The following PHC2 variants were observed in gnomAD, a reference collection of about 807,000 sequenced individuals.
The protein encoded by PHC2 is polyhomeotic homolog 2.
A neutral mutation model predicts 87.4 loss-of-function variants in PHC2; 29 were observed. The observed-to-expected ratio is 0.33, with a 90% CI of 0.25 to 0.45. The LOEUF (loss-of-function observed/expected upper bound fraction) is 0.45. Among genes scored for constraint, PHC2 ranks in the 20% least tolerant of loss-of-function variants. The probability of loss-of-function intolerance (pLI) is 1.00; values close to 1 mark genes in which losing one functional copy is unlikely to be tolerated. For missense variants in PHC2, 857 were observed against 1,136.7 expected, an observed-to-expected ratio of 0.75 and a Z score of 3.54; for synonymous variants, 438 against 461.7, an observed-to-expected ratio of 0.95 and a Z score of 0.66.
At chr1:33,345,475 C>G in intron 9 of PHC2, 1 of 838,250 alleles carries the variant, frequency 1.2e-6, no homozygotes, top group Non-Finnish European at 1.4e-6. Flanking sequence ...TCCTTTTTCA[C>G]TAACTATAAA....
Position 33,349,914 on chromosome 1 carries a change from G to C in PHC2, c.1558+4487C>G. ...GGAGACAATGCGGCGAGTCTGGGAC[G>C]GCTCCCGCGGCCGCCTCCGCCGGGG... On this transcript the variant is annotated intron_variant, in intron 9 of 14. Transcript: ENST00000683057. The surrounding 1 kb of genome is among the most constrained non-coding windows in gnomAD (Gnocchi z 4.2). 2 of 967,860 alleles carry C rather than the reference G, an allele frequency of 2.1e-6. No homozygotes were observed. Among genetic ancestry groups the C allele is most frequent in the Non-Finnish European group, 2.5e-6 (2 of 816,270 alleles). The allele number at this position is 967,860 out of a possible 1,614,324, so 60.0% of individuals were successfully genotyped here. A position where few individuals can be genotyped will look rare whatever the true frequency, so the allele number is the denominator to read the frequency against.
In PHC2 at chr1:33,332,448, C is replaced by T. The variant is rs556001926; in HGVS notation, c.1762-44G>A. On this transcript the variant is annotated intron_variant, in intron 10 of 14. Coordinates refer to ENST00000683057, the MANE Select transcript of PHC2 (RefSeq NM_001385109.1). This position sits in a 1 kb window ranked among gnomAD's most constrained non-coding sequence, Gnocchi z 4.2. ...GGAGGCCGTGAGGGTCAGGTGGGAG[C>T]GGCTTCCTTGCTATCCATCCTCATC... 51 of 1,611,886 alleles carry T rather than the reference C, an allele frequency of 3.2e-5. No homozygotes were observed. Among genetic ancestry groups the T allele is most frequent in the South Asian group, 1.3e-4 (12 of 90,986 alleles).
intron 1 of PHC2, among the ~76,000 whole-genome samples, chr1:33,423,525 T>C (rs916400609): frequency 6.6e-6 from 1 of 152,168 alleles, no homozygotes; most frequent in Non-Finnish European, 1.5e-5. Context: ...TACTTTGGGG[T>C]ATGGCTTTAT....
rs1647794778 is a variant in PHC2, at chr1:33,371,007, T to C, written c.411+10A>G. On this transcript the variant is annotated intron_variant, in intron 4 of 14. Coordinates refer to ENST00000683057, the MANE Select transcript of PHC2 (RefSeq NM_001385109.1). ...TGTGGACTCTGCTGCTGCTCCCCCA[T>C]TCTACTCACCGAAGATGACTGGGCC... 2 of 1,612,044 alleles carry C rather than the reference T, an allele frequency of 1.2e-6. No individual in the cohort carries two copies. Among genetic ancestry groups the C allele is most frequent in the Non-Finnish European group, 1.7e-6 (2 of 1,178,122 alleles).
At chr1:33,373,998 C>T (rs1185238287) in intron 2 of PHC2, among the ~76,000 whole-genome samples, 1 of 152,204 alleles carries the variant, frequency 6.6e-6, no homozygotes, top group African/African-American at 2.4e-5. Flanking sequence ...AACTCTTCCA[C>T]ATGTTGCCCC....
intron 9 of PHC2, among the ~76,000 whole-genome samples, chr1:33,350,650 C>T (rs767863149): frequency 3.3e-5 from 5 of 152,234 alleles, no homozygotes; most frequent in Admixed American, 3.3e-4. Flanking sequence ...TCCCTCTGTT[C>T]CCAACATGGT....
chr1:33,326,578 T>C (rs1646376083), intron 14 of PHC2, among the ~76,000 whole-genome samples: 1 of 152,164 alleles, frequency 6.6e-6, no homozygotes, highest in South Asian at 2.1e-4. Flanking sequence ...CTGGGTGTGG[T>C]TTTTGTCTAA....
In PHC2 at chr1:33,371,019, A is replaced by C; in HGVS notation, c.409T>G (p.Ser137Ala). 3.1e-6 allele frequency: 5 copies of C among 1,613,710 alleles called. No homozygotes were observed. Among genetic ancestry groups the C allele is most frequent in the Non-Finnish European group, 4.2e-6 (5 of 1,179,616 alleles). ...VSAQAPAQSS[S>A]INLAASPAAA... ...TGCTGCTCCCCCATTCTACTCACCG[A>C]AGATGACTGGGCCGGGGCCTGCGCA... The change falls in exon 4 of 15, where the codon TCG becomes GCG. Residue 137 changes from serine (S) to alanine (A), a missense_variant and splice_region_variant. By Grantham distance (99) the Ser-to-Ala change is moderately conservative (BLOSUM62 1). Transcript: ENST00000683057.
intron 2 of PHC2, among the ~76,000 whole-genome samples, chr1:33,374,201 G>A (rs746236942): frequency 3.3e-5 from 5 of 152,248 alleles, no homozygotes; most frequent in South Asian, 2.1e-4. Context: ...CCTTCCTCAT[G>A]AGAAGATGTC....
At chr1:33,400,422 C>T (rs1413807951) in intron 1 of PHC2, among the ~76,000 whole-genome samples, 1 of 152,218 alleles carries the variant, frequency 6.6e-6, no homozygotes, top group African/African-American at 2.4e-5. Context: ...ATAATAGCAG[C>T]AAAGGCAAGA....
chr1:33,399,615 T>C (rs1319639396), intron 1 of PHC2, among the ~76,000 whole-genome samples: 1 of 152,214 alleles, frequency 6.6e-6, no homozygotes, highest in Non-Finnish European at 1.5e-5. Flanking sequence ...TAACCTAATG[T>C]GTGGCTTATG....
chr1:33,341,919 G>T (rs535756189), intron 9 of PHC2, among the ~76,000 whole-genome samples: 55 of 152,358 alleles, frequency 3.6e-4, no homozygotes, highest in African/African-American at 1.3e-3. Flanking sequence ...TCTGCTAAGG[G>T]CAGAGCTGTC....
intron 1 of PHC2, among the ~76,000 whole-genome samples, chr1:33,379,689 C>A (rs920553670): frequency 6.6e-6 from 1 of 150,690 alleles, no homozygotes; most frequent in African/African-American, 2.5e-5. Context: ...CTCCCTCACT[C>A]TGCCTTGGCT....
chr1:33,361,889 T>G (rs1482234957), intron 7 of PHC2, among the ~76,000 whole-genome samples: 1 of 152,240 alleles, frequency 6.6e-6, no homozygotes, highest in African/African-American at 2.4e-5. Context: ...ACAGGCCATC[T>G]CAGTCATTTA....
intron 3 of PHC2, among the ~76,000 whole-genome samples, chr1:33,371,582 T>TGTCCAAACTGCCCTTCTCCCCATG (rs1553187292): frequency 2.6e-5 from 4 of 151,924 alleles, no homozygotes; most frequent in South Asian, 2.1e-4. Flanking sequence ...TGAGCTGGAG[T>TGTCCAAACTGCCCTTCTCCCCATG]GTCCAAACTG....
intron 1 of PHC2, among the ~76,000 whole-genome samples, chr1:33,427,601 A>T (rs1006837896): frequency 1.1e-4 from 17 of 152,240 alleles, no homozygotes; most frequent in Non-Finnish European, 2.1e-4. Context: ...TACTGAAGCT[A>T]TCATTTTCAA....
At chr1:33,357,592 G>T (rs1461362800) in intron 7 of PHC2, among the ~76,000 whole-genome samples, 1 of 152,188 alleles carries the variant, frequency 6.6e-6, no homozygotes, top group Non-Finnish European at 1.5e-5. Context: ...AAGTGTGTTG[G>T]GTTTGGGTTG....
At chr1:33,329,679 C>T (rs747638830) in intron 13 of PHC2, among the ~76,000 whole-genome samples, 2 of 152,104 alleles carry the variant, frequency 1.3e-5, no homozygotes, top group African/African-American at 2.4e-5. Context: ...GAACTCTGTG[C>T]TCGCGTGTTC....
chr1:33,430,440 C>T (rs1650861352), intron 1 of PHC2, among the ~76,000 whole-genome samples: 1 of 152,194 alleles, frequency 6.6e-6, no homozygotes. Context: ...CCAGCGGCTG[C>T]GCTGTCACGC....
Sources: allele counts gnomAD v4.1 joint callset (sites outside exome capture counted in the v4.1 genomes callset), GRCh38; gene constraint gnomAD v4.1.1; non-coding constraint Gnocchi (gnomAD v3.1); transcripts MANE v1.5; gene names NCBI Gene and HGNC (gene_info 2026-07-23, HGNC 2026-07-21).